The following MARCHF1 variants were observed in gnomAD, a reference collection of about 807,000 sequenced individuals.
MARCHF1 encodes membrane associated ring-CH-type finger 1, also known as E3 ubiquitin-protein ligase MARCHF1.
Under a neutral mutation model 54.2 loss-of-function variants are expected in MARCHF1, and 40 were observed. The ratio of observed to expected loss-of-function variants is 0.74; its 90% confidence interval spans 0.57 to 0.96. The LOEUF is 0.96. Ranked by LOEUF, MARCHF1 falls within the 40% of genes least tolerant of loss-of-function variation. MARCHF1 has a pLI of 0.00. For missense variants in MARCHF1, 586 were observed against 656.5 expected (o/e 0.89, Z 1.17); for synonymous variants, 236 against 236.3 (o/e 1.00, Z 0.01).
intron 1 of MARCHF1, among the ~76,000 whole-genome samples, chr4:164,137,924 A>T (rs988205564): frequency 1.3e-5 from 2 of 152,206 alleles, no homozygotes; most frequent in Admixed American, 6.5e-5. Flanking sequence ...TGAAATGAGC[A>T]CAAAGTAAGG....
At chr4:163,733,189 A>ATATATATATATATATATACACGTG (rs1745901085) in intron 4 of MARCHF1, among the ~76,000 whole-genome samples, 1 of 23,536 alleles carries the variant, frequency 4.2e-5, no homozygotes, top group African/African-American at 1.4e-4. Context: ...ATATATATAT[A>ATATATATATATATATATACACGTG]TATATATATA....
rs1295264204 is a variant in MARCHF1, at chr4:164,079,807, GTAGT to G, written c.-248+31777_-248+31780del. On this transcript the variant is annotated intron_variant, in intron 2 of 9. Coordinates refer to ENST00000514618, the MANE Select transcript of MARCHF1 (RefSeq NM_001394959.1). ...TTTCACAACACACATTCTAAAAGAC[GTAGT>G]TATTTGCATTTTAAGTAGCATAGTT... Among the ~76,000 whole-genome samples, 15 of 152,050 alleles carry G rather than the reference GTAGT, an allele frequency of 9.9e-5. No individual in the cohort carries two copies. In the East Asian group the frequency reaches 1.2e-3, roughly 12 times the overall value.
chr4:163,570,171 A>G (rs961021638), intron 8 of MARCHF1, among the ~76,000 whole-genome samples: 1 of 152,084 alleles, frequency 6.6e-6, no homozygotes, highest in African/African-American at 2.4e-5. Context: ...AACCCCCACA[A>G]TCATCTAGTG....
intron 5 of MARCHF1, among the ~76,000 whole-genome samples, chr4:163,649,515 C>T (rs1742887720): frequency 6.6e-6 from 1 of 152,020 alleles, no homozygotes; most frequent in African/African-American, 2.4e-5. Flanking sequence ...ATATAAATAG[C>T]ATCCGCAATG....
intron 4 of MARCHF1, among the ~76,000 whole-genome samples, chr4:163,807,808 G>GT (rs5863631): frequency 0.78 from 117,554 of 150,566 alleles, 47,215 homozygotes; most frequent in South Asian, 0.88. Flanking sequence ...GAAATCATAG[G>GT]TTTTTTTTTG....
At chr4:164,168,161 A>G (rs944412842) in intron 1 of MARCHF1, among the ~76,000 whole-genome samples, 1 of 152,046 alleles carries the variant, frequency 6.6e-6, no homozygotes, top group African/African-American at 2.4e-5. Flanking sequence ...GTGTATATGA[A>G]AATGAAAATG....
At position 164,074,339 on chromosome 4, in the gene MARCHF1, CTGTT is replaced by C. The variant is rs199679604; in HGVS notation, c.-248+37245_-248+37248del. 1.5e-3 allele frequency among the ~76,000 whole-genome samples: 227 copies of C among 152,242 alleles called. 5 individuals are homozygous for C. The East Asian group carries it at 0.036, about 24-fold the overall frequency. ...ACAACAAGTTCCGAGTAAGTATCCTCTGTTTGCTCTCATTCAAGTGGTTGGTTGT... is the reference window on the plus strand; with the variant it reads ...ACAACAAGTTCCGAGTAAGTATCCTCTGCTCTCATTCAAGTGGTTGGTTGT... On this transcript the variant is annotated intron_variant, in intron 2 of 9. Transcript: ENST00000514618.
In MARCHF1 at chr4:163,779,471, A is replaced by G. The variant is rs1579280563; in HGVS notation, c.111+74550T>C. 2.4e-5 allele frequency among the ~76,000 whole-genome samples: 3 copies of G among 126,730 alleles called. No homozygotes were observed. The Admixed American group carries it at 2.7e-4, about 11-fold the overall frequency. The allele number at this position is 126,730 out of a possible 152,430, so 83.1% of individuals were successfully genotyped here. The stretch of plus-strand genomic sequence containing the variant: ...CATAAGGAGGATTGAAATTTTGTAG[A>G]AAAAAAGTTAGCATTTCAGAACAAG... On this transcript the variant is annotated intron_variant, in intron 4 of 9. Transcript: ENST00000514618.
rs145823412 is a variant in MARCHF1 at position 163,808,779 on chromosome 4, G to A, written c.111+45242C>T. On this transcript the variant is annotated intron_variant, in intron 4 of 9. Coordinates refer to ENST00000514618, the MANE Select transcript of MARCHF1 (RefSeq NM_001394959.1). ...AGGCAGGGTTTCACCACGTTGGCTA[G>A]GCTGGTCTTGAACTCCTGAGCTCAA... 4.7e-4 allele frequency among the ~76,000 whole-genome samples: 71 copies of A among 152,204 alleles called. 2 individuals are homozygous for A. In the East Asian group the frequency reaches 0.013, roughly 28 times the overall value.
At chr4:163,708,101 C>G (rs1193314141) in intron 4 of MARCHF1, among the ~76,000 whole-genome samples, 1 of 151,480 alleles carries the variant, frequency 6.6e-6, no homozygotes, top group African/African-American at 2.4e-5. Flanking sequence ...TGCAATCCCC[C>G]CCTGTAGCAG....
At chr4:164,335,832 C>G (rs1729723070) in intron 1 of MARCHF1, among the ~76,000 whole-genome samples, 1 of 151,804 alleles carries the variant, frequency 6.6e-6, no homozygotes, top group Non-Finnish European at 1.5e-5. Context: ...CCCTGGGATG[C>G]CAAAAAACTT....
intron 2 of MARCHF1, among the ~76,000 whole-genome samples, chr4:164,068,992 ACT>A (rs1435779362): frequency 1.3e-5 from 2 of 151,060 alleles, no homozygotes; most frequent in Admixed American, 6.6e-5. Flanking sequence ...TCTGGTGGGG[ACT>A]TGGAGAACCT....
At chr4:164,027,605 T>C (rs138055267) in intron 2 of MARCHF1, among the ~76,000 whole-genome samples, 2,033 of 152,122 alleles carry the variant, frequency 0.013, 25 homozygotes, top group Non-Finnish European at 0.021. Flanking sequence ...TAACTCAAGA[T>C]GGATTAAAGA....
intron 5 of MARCHF1, among the ~76,000 whole-genome samples, chr4:163,626,284 C>T (rs964450513): frequency 2.0e-5 from 3 of 152,152 alleles, no homozygotes; most frequent in African/African-American, 7.2e-5. Context: ...CATGATTGTG[C>T]TCTAGGGGCA....
chr4:164,269,163 T>C (rs1211116507), intron 1 of MARCHF1, among the ~76,000 whole-genome samples: 1 of 152,038 alleles, frequency 6.6e-6, no homozygotes, highest in Non-Finnish European at 1.5e-5. Flanking sequence ...TGGAGCCGGG[T>C]CATGAAAAAG....
intron 1 of MARCHF1, among the ~76,000 whole-genome samples, chr4:164,180,608 G>C (rs1730807892): frequency 6.6e-6 from 1 of 152,158 alleles, no homozygotes; most frequent in Non-Finnish European, 1.5e-5. Flanking sequence ...AGAGGAGACA[G>C]TGATATATCA....
intron 3 of MARCHF1, among the ~76,000 whole-genome samples, chr4:163,892,773 AG>A (rs902886894): frequency 2.5e-4 from 38 of 152,244 alleles, no homozygotes; most frequent in African/African-American, 8.4e-4. Context: ...AAGGGTCTGA[AG>A]GTTCATCTGA....
intron 1 of MARCHF1, among the ~76,000 whole-genome samples, chr4:164,288,908 A>G (rs1734216992): frequency 6.6e-6 from 1 of 152,088 alleles, no homozygotes; most frequent in African/African-American, 2.4e-5. Context: ...AAACCTGTAA[A>G]CAAATTCCAT....
intron 8 of MARCHF1, among the ~76,000 whole-genome samples, chr4:163,551,032 C>T (rs1465165860): frequency 1.3e-5 from 2 of 152,140 alleles, no homozygotes; most frequent in South Asian, 2.1e-4. Context: ...CGGTGACCTC[C>T]GTGGAGTTTA....
Sources: allele counts gnomAD v4.1 joint callset (sites outside exome capture counted in the v4.1 genomes callset), GRCh38; gene constraint gnomAD v4.1.1; transcripts MANE v1.5; gene names NCBI Gene and HGNC (gene_info 2026-07-23, HGNC 2026-07-21).